Variants in ACTR3C observed in about 807,000 individuals in gnomAD.
The protein encoded by ACTR3C is actin related protein 3C.
In ACTR3C, 18 loss-of-function variants were observed where a neutral mutation model predicts 26.3. The observed-to-expected ratio is 0.68, with a 90% CI of 0.47 to 1.01. The LOEUF (loss-of-function observed/expected upper bound fraction) is 1.01, where lower values mean the gene tolerates loss of function less well. ACTR3C is among the 50% of genes least tolerant of loss of function. The pLI is 0.00. For synonymous variants in ACTR3C, 55 were observed against 94.5 expected (o/e 0.58, Z 2.42); for missense variants, 184 against 250.7 (o/e 0.73, Z 1.80).
At chr7:149,889,196 A>T in the ACTR3C span, among the ~76,000 whole-genome samples, 2 of 151,916 alleles carry the variant, frequency 1.3e-5, no homozygotes, top group African/African-American at 4.8e-5. Context: ...GCAAATTTGA[A>T]CTCTTACTTC....
At chr7:149,912,896 T>G in the ACTR3C span, among the ~76,000 whole-genome samples, 1 of 152,128 alleles carries the variant, frequency 6.6e-6, no homozygotes, top group Non-Finnish European at 1.5e-5. Flanking sequence ...CACAAATTCT[T>G]CAGATCACTT....
chr7:150,310,600 A>G (rs1796221250), intron 1 of ACTR3C, among the ~76,000 whole-genome samples: 1 of 151,276 alleles, frequency 6.6e-6, no homozygotes, highest in Non-Finnish European at 1.5e-5. Context: ...TCGACCTCAA[A>G]GATGCCTTCT....
the ACTR3C span, among the ~76,000 whole-genome samples, chr7:150,143,469 A>C: frequency 6.6e-6 from 1 of 152,064 alleles, no homozygotes; most frequent in Non-Finnish European, 1.5e-5. Flanking sequence ...ATGCAATAAA[A>C]TTCACCCTTT....
At chr7:150,074,489 C>A in the ACTR3C span, 1 of 152,088 alleles carries the variant, frequency 6.6e-6, no homozygotes, top group African/African-American at 2.4e-5. Flanking sequence ...GTCCAGGGTT[C>A]TTACTGGGGG....
the ACTR3C span, among the ~76,000 whole-genome samples, chr7:150,183,051 T>G: frequency 6.6e-6 from 1 of 150,916 alleles, no homozygotes; most frequent in African/African-American, 2.5e-5. Flanking sequence ...ATGAGGGCAA[T>G]GTTCTTTGCA....
the ACTR3C span, among the ~76,000 whole-genome samples, chr7:150,098,662 C>T: frequency 2.6e-5 from 4 of 151,746 alleles, no homozygotes; most frequent in Admixed American, 6.6e-5. Context: ...AAACAATACA[C>T]AGTTCAAATA....
chr7:150,042,731 A>G, the ACTR3C span, among the ~76,000 whole-genome samples: 8 of 151,682 alleles, frequency 5.3e-5, no homozygotes, highest in Non-Finnish European at 8.8e-5. Flanking sequence ...GTTGCTGCCA[A>G]GGCCCTCTAA....
downstream of ACTR3C, among the ~76,000 whole-genome samples, chr7:150,239,094 A>T (rs544922386): frequency 7.9e-5 from 12 of 152,084 alleles, no homozygotes; most frequent in Non-Finnish European, 1.8e-4. Flanking sequence ...TATACTAACC[A>T]TATATTCCTT....
the ACTR3C span, among the ~76,000 whole-genome samples, chr7:149,955,328 G>A: frequency 6.6e-6 from 1 of 152,218 alleles, no homozygotes; most frequent in Non-Finnish European, 1.5e-5. Context: ...GGCATCACCT[G>A]CATCGACTGG....
the ACTR3C span, chr7:150,047,516 TC>T: frequency 9.5e-4 from 599 of 630,294 alleles, no homozygotes; most frequent in South Asian, 1.1e-3. Flanking sequence ...GGCGCCTGAT[TC>T]CCCCCCCCAC....
the ACTR3C span, among the ~76,000 whole-genome samples, chr7:150,195,210 A>T: frequency 6.6e-6 from 1 of 151,232 alleles, no homozygotes; most frequent in East Asian, 1.9e-4. Flanking sequence ...CTGTTATAAC[A>T]TCCCTACACC....
At chr7:149,888,323 A>G in the ACTR3C span, among the ~76,000 whole-genome samples, 1 of 152,228 alleles carries the variant, frequency 6.6e-6, no homozygotes, top group African/African-American at 2.4e-5. Context: ...TATATCTAGG[A>G]GTCAAAGAGC....
rs1228935743 is a variant in ACTR3C, at chr7:150,304,195, C to A, written c.-51-8848G>T. On this transcript the variant is annotated intron_variant, in intron 1 of 7. Transcript: ENST00000683684. ...GACCTCTACACTGGCTAGGTCTACA[C>A]TGGCTAGGTCTACACTGGTTAGTGA... 3.9e-5 allele frequency among the ~76,000 whole-genome samples: 6 copies of A among 152,182 alleles called. No homozygotes were observed. In the East Asian group the frequency reaches 1.2e-3, roughly 29 times the overall value.
the ACTR3C span, among the ~76,000 whole-genome samples, chr7:150,055,197 C>A: frequency 1.3e-5 from 2 of 152,214 alleles, no homozygotes; most frequent in African/African-American, 2.4e-5. Context: ...AATGCAGATT[C>A]GTGGGCCCTG....
intron 1 of ACTR3C, among the ~76,000 whole-genome samples, chr7:150,307,044 A>T (rs1795854514): frequency 6.6e-6 from 1 of 152,246 alleles, no homozygotes; most frequent in Non-Finnish European, 1.5e-5. Context: ...AACCCTTATT[A>T]TTGTCACTGG....
At chr7:150,029,297 T>C in the ACTR3C span, among the ~76,000 whole-genome samples, 1 of 151,164 alleles carries the variant, frequency 6.6e-6, no homozygotes, top group African/African-American at 2.4e-5. Context: ...CGGTGGCTCA[T>C]GCCTGTAATC....
chr7:150,067,701 G>A, the ACTR3C span, among the ~76,000 whole-genome samples: 1 of 107,120 alleles, frequency 9.3e-6, no homozygotes, highest in African/African-American at 3.7e-5. Context: ...CACCTTCAAA[G>A]GCAGCCACAG....
At chr7:150,048,332 G>A in the ACTR3C span, among the ~76,000 whole-genome samples, 6 of 151,592 alleles carry the variant, frequency 4.0e-5, no homozygotes, top group South Asian at 1.3e-3. Flanking sequence ...CGGCCCCTCC[G>A]CCCCCTTCCC....
the ACTR3C span, among the ~76,000 whole-genome samples, chr7:150,156,731 T>C: frequency 6.6e-6 from 1 of 152,334 alleles, no homozygotes; most frequent in East Asian, 1.9e-4. Flanking sequence ...CCTCCTCTAA[T>C]TCCTATTTAA....
Sources: allele counts gnomAD v4.1 joint callset (sites outside exome capture counted in the v4.1 genomes callset), GRCh38; gene constraint gnomAD v4.1.1; transcripts MANE v1.5; gene names NCBI Gene and HGNC (gene_info 2026-07-23, HGNC 2026-07-21).